CADPS: variants seen among roughly 807,000 people sequenced by gnomAD.
CADPS encodes the protein calcium dependent secretion activator.
Under a neutral mutation model 167.3 loss-of-function variants are expected in CADPS, and 57 were observed. That is an observed-to-expected ratio of 0.34 (90% confidence interval 0.28 to 0.42). The LOEUF is 0.42. Ranked by LOEUF, CADPS falls within the 20% of genes least tolerant of loss-of-function variation. The pLI is 1.00. For synonymous variants in CADPS, 676 were observed against 635.3 expected, an observed-to-expected ratio of 1.06 and a Z score of -0.96; for missense variants, 1,414 against 1,738.1, an observed-to-expected ratio of 0.81 and a Z score of 3.32.
chr3:62,652,405 A>C (rs866782870), intron 4 of CADPS, among the ~76,000 whole-genome samples: 45,014 of 130,828 alleles, frequency 0.34, 5,045 homozygotes, highest in East Asian at 0.53. Flanking sequence ...TGGCCAAAAA[A>C]AAAAAAAAAA....
chr3:62,399,154 A>G lies in CADPS; in HGVS notation c.*252T>C. ...GACACGCCTAGTGGTTAGACTATGT[A>G]TTCTCCATGAACAGTATTTAAAGAA... is the stretch of plus-strand genomic sequence containing the variant. On this transcript the variant is annotated 3_prime_UTR_variant, in exon 30 of 30. Transcript: ENST00000383710. The surrounding 1 kb of genome is among the most constrained non-coding windows in gnomAD (Gnocchi z 5.6). 1 of 415,526 alleles carries G rather than the reference A, an allele frequency of 2.4e-6. No homozygotes were observed. The highest frequency in any genetic ancestry group is 4.4e-6 in the Non-Finnish European group (1 of 226,480). The allele number at this position is 415,526 out of a possible 1,614,324, so 25.7% of individuals were successfully genotyped here.
chr3:62,825,415 C>A (rs769923762), intron 1 of CADPS, among the ~76,000 whole-genome samples: 9 of 152,122 alleles, frequency 5.9e-5, no homozygotes, highest in Admixed American at 1.3e-4. Flanking sequence ...GGCAAATGAT[C>A]AGGCCTTACA....
intron 28 of CADPS, among the ~76,000 whole-genome samples, chr3:62,429,640 C>T (rs930263110): frequency 1.1e-4 from 17 of 151,636 alleles, no homozygotes; most frequent in African/African-American, 2.9e-4. Flanking sequence ...TGTGCACACG[C>T]GTACTTGTAC....
At chr3:62,585,892 T>C (rs902766012) in intron 7 of CADPS, among the ~76,000 whole-genome samples, 2 of 152,162 alleles carry the variant, frequency 1.3e-5, no homozygotes, top group Non-Finnish European at 2.9e-5. Context: ...TCACACAACA[T>C]CCAACTTTGC....
intron 1 of CADPS, among the ~76,000 whole-genome samples, chr3:62,819,407 C>CATGTGTGT (rs758192103): frequency 6.9e-6 from 1 of 143,986 alleles, no homozygotes; most frequent in African/African-American, 2.6e-5. Flanking sequence ...AATCTGTGTG[C>CATGTGTGT]GTGTGTGTGT....
intron 13 of CADPS, among the ~76,000 whole-genome samples, chr3:62,520,511 A>G (rs1045964310): frequency 3.9e-5 from 6 of 152,248 alleles, no homozygotes; most frequent in Admixed American, 6.5e-5. Context: ...CAATAAAAGT[A>G]AACAACTGAA....
intron 1 of CADPS, among the ~76,000 whole-genome samples, chr3:62,840,776 T>A (rs919828742): frequency 6.6e-6 from 1 of 152,178 alleles, no homozygotes; most frequent in Admixed American, 6.5e-5. Flanking sequence ...AACTGTGTCA[T>A]AGGAAATAAT....
intron 28 of CADPS, among the ~76,000 whole-genome samples, chr3:62,417,554 G>C (rs2050384520): frequency 2.6e-5 from 4 of 151,730 alleles, no homozygotes. Context: ...CAAAGTGTTG[G>C]GATTAAAGGC....
chr3:62,788,266 A>T (rs1024585742), intron 1 of CADPS, among the ~76,000 whole-genome samples: 2 of 152,194 alleles, frequency 1.3e-5, no homozygotes, highest in Non-Finnish European at 2.9e-5. Flanking sequence ...GAAATCGGGC[A>T]GGACATACGC....
chr3:62,634,881 C>T (rs1456539874), intron 6 of CADPS, among the ~76,000 whole-genome samples: 2 of 152,134 alleles, frequency 1.3e-5, no homozygotes, highest in Non-Finnish European at 2.9e-5. Flanking sequence ...CACACAGCAG[C>T]CACCCAGATA....
intron 3 of CADPS, among the ~76,000 whole-genome samples, chr3:62,677,769 C>T (rs888726591): frequency 2.0e-5 from 3 of 152,038 alleles, no homozygotes; most frequent in Non-Finnish European, 4.4e-5. Context: ...TTAAACCCTT[C>T]CCAGTATTAC....
intron 11 of CADPS, among the ~76,000 whole-genome samples, chr3:62,539,472 C>A (rs1369890541): frequency 6.6e-6 from 1 of 151,676 alleles, no homozygotes; most frequent in Non-Finnish European, 1.5e-5. Flanking sequence ...CTGGCTCCCA[C>A]AAAATCTTTG....
chr3:62,446,301 G>A lies in CADPS; in HGVS notation c.3637-504C>T, dbSNP rs374172474. On this transcript the variant is annotated intron_variant, in intron 26 of 29. Transcript: ENST00000383710. This position sits in a 1 kb window ranked among gnomAD's most constrained non-coding sequence, Gnocchi z 4.9. ...AGATGGTGTCTGCGGGTAGGGGGAT[G>A]AGAACCTTTCAAAACTGCCCAAAGG... 6.6e-6 allele frequency among the ~76,000 whole-genome samples: 1 copy of A among 152,198 alleles called. No homozygotes were observed.
At chr3:62,641,910 T>G (rs1459710346) in intron 6 of CADPS, among the ~76,000 whole-genome samples, 1 of 152,114 alleles carries the variant, frequency 6.6e-6, no homozygotes, top group East Asian at 1.9e-4. Flanking sequence ...TATATTTAAC[T>G]AATGAACGCA....
At chr3:62,591,816 C>A (rs2086109532) in intron 7 of CADPS, among the ~76,000 whole-genome samples, 1 of 152,100 alleles carries the variant, frequency 6.6e-6, no homozygotes, top group African/African-American at 2.4e-5. Flanking sequence ...TCCCTGTTGG[C>A]ACTGAGTGGG....
At chr3:62,569,647 T>G (rs950050253) in intron 9 of CADPS, among the ~76,000 whole-genome samples, 2 of 152,216 alleles carry the variant, frequency 1.3e-5, no homozygotes, top group South Asian at 2.1e-4. Context: ...AGGGAGTTGC[T>G]TTGTAGTCAG....
chr3:62,636,802 C>T (rs545410403), intron 6 of CADPS, among the ~76,000 whole-genome samples: 58 of 152,246 alleles, frequency 3.8e-4, no homozygotes, highest in African/African-American at 1.4e-3. Context: ...AGGATGTTGC[C>T]TTTTGGATTC....
chr3:62,621,520 T>C, intron 6 of CADPS, among the ~76,000 whole-genome samples: 1 of 152,322 alleles, frequency 6.6e-6, no homozygotes, highest in African/African-American at 2.4e-5. Context: ...GTGGTATATG[T>C]ATACATATTT....
Position 62,715,348 on chromosome 3 carries a change from C to T in CADPS, c.888+38093G>A, listed in dbSNP as rs199699552. ...TAGAGATGAGGTTTTGCCATGTTGG[C>T]CAGCCCTATCTATCTATCTATCTAC... On this transcript the variant is annotated intron_variant, in intron 3 of 29. Coordinates refer to ENST00000383710, the MANE Select transcript of CADPS (RefSeq NM_003716.4). Among the ~76,000 whole-genome samples the T allele has an allele frequency of 1.0e-4, 14 of 133,624 alleles. No homozygotes were observed. In the East Asian group the frequency reaches 2.6e-3, roughly 24 times the overall value. The allele number at this position is 133,624 out of a possible 152,430, so 87.7% of individuals were successfully genotyped here.
Sources: gnomAD v4.1 joint callset for allele counts (sites outside exome capture counted in the v4.1 genomes callset) on GRCh38, gnomAD v4.1.1 for gene constraint, Gnocchi (gnomAD v3.1) non-coding constraint, MANE v1.5 for transcripts, NCBI Gene and HGNC (gene_info 2026-07-23, HGNC 2026-07-21) for gene names.